Variants in F13A1 observed in about 807,000 individuals in gnomAD.
F13A1 encodes the protein FSF, A subunit.
F13A1 carries 47 observed loss-of-function variants against 80.1 expected under a neutral mutation model. That is an observed-to-expected ratio of 0.59 (90% CI 0.46 to 0.75). The LOEUF (loss-of-function observed/expected upper bound fraction) is 0.75, where lower values mean the gene tolerates loss of function less well. F13A1 is among the 30% of genes least tolerant of loss of function. F13A1 has a pLI of 0.00. For missense variants in F13A1, 817 were observed against 930.4 expected (o/e 0.88, Z 1.59); for synonymous variants, 349 against 344.9 (o/e 1.01, Z -0.13).
In F13A1 at chr6:6,243,998, C is replaced by T. The variant is rs980111364; in HGVS notation, c.798+4314G>A. On this transcript the variant is annotated intron_variant, in intron 6 of 14. Transcript: ENST00000264870. This position sits in a 1 kb window ranked among gnomAD's most constrained non-coding sequence, Gnocchi z 4.2. The stretch of plus-strand genomic sequence containing the variant: ...GGCAGGAACAGGCATAGACAGGTAA[C>T]CACGCCGCAGTAATGCCAGGTGGTT... 8.5e-5 allele frequency among the ~76,000 whole-genome samples: 13 copies of T among 152,332 alleles called. No individual in the cohort carries two copies. In the East Asian group the frequency reaches 2.3e-3, roughly 27 times the overall value.
chr6:6,291,991 T>C (rs1347016685), intron 3 of F13A1, among the ~76,000 whole-genome samples: 1 of 152,108 alleles, frequency 6.6e-6, no homozygotes, highest in African/African-American at 2.4e-5. Context: ...TGGTGGAGGC[T>C]CCCTTGGTGG....
intron 3 of F13A1, among the ~76,000 whole-genome samples, chr6:6,267,602 T>A (rs900809394): frequency 1.3e-5 from 2 of 152,226 alleles, no homozygotes; most frequent in Non-Finnish European, 2.9e-5. Context: ...ATGGGACCCA[T>A]AATTCATTTA....
chr6:6,240,474 A>T (rs895254621), intron 6 of F13A1, among the ~76,000 whole-genome samples: 99 of 152,304 alleles, frequency 6.5e-4, no homozygotes, highest in African/African-American at 2.3e-3. Flanking sequence ...GGACAGACAG[A>T]GGACAAATCC....
At chr6:6,220,483 A>C (rs929943314) in intron 8 of F13A1, among the ~76,000 whole-genome samples, 1 of 151,934 alleles carries the variant, frequency 6.6e-6, no homozygotes, top group African/African-American at 2.4e-5. Context: ...TGATGATGGG[A>C]GGTACCTGAA....
intron 3 of F13A1, among the ~76,000 whole-genome samples, chr6:6,294,739 A>T (rs76796392): frequency 1.7e-4 from 26 of 150,406 alleles, no homozygotes; most frequent in African/African-American, 4.4e-4. Flanking sequence ...TTTTTTAAAA[A>T]TTTATTTATT....
intron 6 of F13A1, among the ~76,000 whole-genome samples, chr6:6,235,214 G>A (rs1757399709): frequency 6.6e-6 from 1 of 151,988 alleles, no homozygotes; most frequent in South Asian, 2.1e-4. Context: ...AAAATTGTGT[G>A]ATCTTAGGTT....
At chr6:6,199,210 T>C (rs1761347320) in intron 8 of F13A1, among the ~76,000 whole-genome samples, 1 of 152,066 alleles carries the variant, frequency 6.6e-6, no homozygotes, top group African/African-American at 2.4e-5. Context: ...GTACTATTGG[T>C]CGGGCGCAGT....
chr6:6,238,892 T>C (rs1455794985), intron 6 of F13A1, among the ~76,000 whole-genome samples: 2 of 152,154 alleles, frequency 1.3e-5, no homozygotes, highest in Admixed American at 1.3e-4. Context: ...ACTGGAACTC[T>C]CATATGTTGC....
At chr6:6,287,811 C>G (rs1205500888) in intron 3 of F13A1, among the ~76,000 whole-genome samples, 1 of 152,098 alleles carries the variant, frequency 6.6e-6, no homozygotes, top group Non-Finnish European at 1.5e-5. Context: ...TAATTCCAGG[C>G]AGAACTTGGC....
intron 3 of F13A1, among the ~76,000 whole-genome samples, chr6:6,300,008 G>A (rs553393409): frequency 1.4e-5 from 2 of 146,468 alleles, no homozygotes; most frequent in African/African-American, 2.8e-5. Flanking sequence ...GTACCCTGCC[G>A]TGTGAAGTGT....
chr6:6,222,239 C>G (rs755154732), intron 7 of F13A1, 68 bp from the exon 8 acceptor site: 22 of 1,599,960 alleles, frequency 1.4e-5, no homozygotes, highest in Non-Finnish European at 1.8e-5. Context: ...TGAAAAAACC[C>G]TTCTTGTAGG....
At chr6:6,156,033 G>A (rs1230836541) in intron 13 of F13A1, among the ~76,000 whole-genome samples, 1 of 152,166 alleles carries the variant, frequency 6.6e-6, no homozygotes, top group African/African-American at 2.4e-5. Context: ...ATTTGCTTTA[G>A]AGAAGAGTAT....
chr6:6,320,643 G>A lies in F13A1; in HGVS notation c.-75C>T, dbSNP rs768758315. On this transcript the variant is annotated 5_prime_UTR_variant, in exon 1 of 15. Coordinates refer to ENST00000264870, the MANE Select transcript of F13A1 (RefSeq NM_000129.4). Reference sequence around the variant, plus strand: ...CGTGGGCTTGCTCTGTGCGCCTCGGGGACTTCCTCAAACGGACTCGGGAAA... The same window carrying A: ...CGTGGGCTTGCTCTGTGCGCCTCGGAGACTTCCTCAAACGGACTCGGGAAA... 8.5e-6 allele frequency: 4 copies of A among 470,326 alleles called. No homozygotes were observed. The highest frequency in any genetic ancestry group is 1.6e-5 in the South Asian group (1 of 64,442). The allele number at this position is 470,326 out of a possible 1,614,324, so 29.1% of individuals were successfully genotyped here. A position where few individuals can be genotyped will look rare whatever the true frequency, so the allele number is the denominator to read the frequency against.
intron 11 of F13A1, among the ~76,000 whole-genome samples, chr6:6,179,569 C>T (rs62407997): frequency 0.057 from 8,739 of 152,200 alleles, 302 homozygotes; most frequent in Non-Finnish European, 0.082. Context: ...GCCATCAATC[C>T]TTCTACCCGC....
At chr6:6,225,728 C>T (rs1425879355) in intron 6 of F13A1, among the ~76,000 whole-genome samples, 1 of 152,134 alleles carries the variant, frequency 6.6e-6, no homozygotes, top group Non-Finnish European at 1.5e-5. Flanking sequence ...GTCTTGACCT[C>T]CTGGGCTCAA....
chr6:6,246,161 T>C (rs1329675304), intron 6 of F13A1, among the ~76,000 whole-genome samples: 2 of 152,222 alleles, frequency 1.3e-5, no homozygotes, highest in South Asian at 2.1e-4. Context: ...GTCTTTGTTC[T>C]TTGTTTAACT....
Position 6,151,827 on chromosome 6 carries a change from C to T in F13A1, c.2031G>A (p.Met677Ile), listed in dbSNP as rs551878781. The T allele has an allele frequency of 1.2e-6, 2 of 1,614,120 alleles. No homozygotes were observed. The highest frequency in any genetic ancestry group is 2.7e-5 in the African/African-American group (2 of 75,026). Reference sequence around the variant, plus strand: ...CCAAGGTTTACCGGAACATCTTCTTCATTGGTCTTGTTACTCCAGGACCAT... The same window carrying T: ...CCAAGGTTTACCGGAACATCTTCTTTATTGGTCTTGTTACTCCAGGACCAT... Reference protein sequence around the residue: ...HLDGPGVTRPMKKMFREIRPN... With the variant: ...HLDGPGVTRPIKKMFREIRPN... Residue 677 changes from methionine (M) to isoleucine (I), a missense_variant, in exon 14 of 15, where the codon ATG (methionine) becomes ATA (isoleucine). By Grantham distance (10) the Met-to-Ile change is conservative. Transcript: ENST00000264870.
At chr6:6,196,094 G>A (rs1022239357) in intron 9 of F13A1, among the ~76,000 whole-genome samples, 3 of 152,166 alleles carry the variant, frequency 2.0e-5, no homozygotes, top group Non-Finnish European at 4.4e-5. Context: ...ATAAATACAA[G>A]GCAACACTAT....
At chr6:6,303,641 C>T (rs2113180710) in intron 3 of F13A1, among the ~76,000 whole-genome samples, 1 of 152,248 alleles carries the variant, frequency 6.6e-6, no homozygotes, top group Non-Finnish European at 1.5e-5. Context: ...AAACTCATTC[C>T]TTCCATCTAA....
Sources: allele counts gnomAD v4.1 joint callset (sites outside exome capture counted in the v4.1 genomes callset), GRCh38; gene constraint gnomAD v4.1.1; non-coding constraint Gnocchi (gnomAD v3.1); transcripts MANE v1.5; gene names NCBI Gene and HGNC (gene_info 2026-07-23, HGNC 2026-07-21).